RNF19A: variants seen among roughly 807,000 people sequenced by gnomAD.
RNF19A encodes the protein E3 ubiquitin-protein ligase RNF19A.
Under a neutral mutation model 75.7 loss-of-function variants are expected in RNF19A, and 32 were observed. The observed-to-expected ratio is 0.42, with a 90% CI of 0.32 to 0.57. The LOEUF is 0.57. Ranked by LOEUF, RNF19A falls within the 20% of genes least tolerant of loss-of-function variation. The probability of loss-of-function intolerance (pLI) is 0.10; values close to 1 mark genes in which losing one functional copy is unlikely to be tolerated. For missense variants in RNF19A, 782 were observed against 1,036.3 expected, an observed-to-expected ratio of 0.75 and a Z score of 3.37; for synonymous variants, 335 against 345.2, an observed-to-expected ratio of 0.97 and a Z score of 0.33.
upstream of RNF19A, chr8:100,310,201 T>C (rs980327020): frequency 7.1e-5 from 70 of 985,026 alleles, no homozygotes; most frequent in African/African-American, 2.3e-4. Context: ...GTGCTGTGCG[T>C]CATGGCGTCA....
chr8:100,313,062 A>T (rs889391280), upstream of RNF19A, among the ~76,000 whole-genome samples: 1 of 152,220 alleles, frequency 6.6e-6, no homozygotes, highest in African/African-American at 2.4e-5. Flanking sequence ...AATTGGCCCC[A>T]GGTGCCTTAA....
rs915759554 is a variant in RNF19A, at chr8:100,264,074, A to G, written c.1428T>C (p.Asp476=). 1 of 1,613,708 alleles carries G rather than the reference A, an allele frequency of 6.2e-7. No individual in the cohort carries two copies. Among genetic ancestry groups the G allele is most frequent in the Non-Finnish European group, 8.5e-7 (1 of 1,179,738 alleles). Residue 476 remains aspartate (D), a synonymous_variant, in exon 7 of 10, where the codon GAT becomes GAC. Transcript: ENST00000341084. This position sits in a 1 kb window ranked among gnomAD's most constrained non-coding sequence, Gnocchi z 4.7. The stretch of plus-strand genomic sequence containing the variant: ...TTCCACCAACATTTATATCATTTTC[A>G]TCATCAAATTCAATCCTAACTCCTT... ...NGKGVRIEFD[D]ENDINVGGTN... is the part of the protein sequence containing the mutation.
At position 100,317,064 on chromosome 8, in the gene RNF19A, C is replaced by G. The variant is rs1452183373; in HGVS notation, c.-242-3692G>C. ...GGACCAGCAGCGCTGCCCGGCTACT[C>G]TGAGTGCGGGGCCTGCCAAGCCCAC... On this transcript the variant is annotated intron_variant, in intron 1 of 3. Coordinates refer to the RNF19A transcript ENST00000519527. The surrounding 1 kb of genome is among the most constrained non-coding windows in gnomAD (Gnocchi z 4.3). Among the ~76,000 whole-genome samples, 5 of 151,820 alleles carry G rather than the reference C, an allele frequency of 3.3e-5. No homozygotes were observed. Among genetic ancestry groups the G allele is most frequent in the African/African-American group, 9.7e-5 (4 of 41,366 alleles).
At position 100,317,034 on chromosome 8, in the gene RNF19A, G is replaced by C. The variant is rs1460903685; in HGVS notation, c.-242-3662C>G. On this transcript the variant is annotated intron_variant, in intron 1 of 3. Coordinates refer to the RNF19A transcript ENST00000519527. The surrounding 1 kb of genome is among the most constrained non-coding windows in gnomAD (Gnocchi z 4.3). ...TGGCCCGGGTGCTAAGTCCCTCATTGCCCGGGACCAGCAGCGCTGCCCGGC... is the reference window on the plus strand; with the variant it reads ...TGGCCCGGGTGCTAAGTCCCTCATTCCCCGGGACCAGCAGCGCTGCCCGGC... Among the ~76,000 whole-genome samples the C allele has an allele frequency of 1.3e-5, 2 of 152,214 alleles. No individual in the cohort carries two copies. Among genetic ancestry groups the C allele is most frequent in the Non-Finnish European group, 2.9e-5 (2 of 68,032 alleles).
intron 1 of RNF19A, among the ~76,000 whole-genome samples, chr8:100,305,430 A>G (rs903243773): frequency 6.6e-6 from 1 of 152,238 alleles, no homozygotes; most frequent in Admixed American, 6.5e-5. Context: ...AAACGCCCCT[A>G]GAGCTACGCT....
At chr8:100,301,091 G>A (rs969346839) in intron 1 of RNF19A, among the ~76,000 whole-genome samples, 1 of 152,200 alleles carries the variant, frequency 6.6e-6, no homozygotes, top group Non-Finnish European at 1.5e-5. Flanking sequence ...CTAGTCCCAT[G>A]AGGCTATTTA....
upstream of RNF19A, among the ~76,000 whole-genome samples, chr8:100,313,901 A>T (rs867328879): frequency 1.0e-4 from 8 of 78,468 alleles, 1 homozygote; most frequent in South Asian, 4.3e-4. Context: ...AAAGAGAACT[A>T]CTTTTTTTTT....
rs1197664275 is a variant in RNF19A, at chr8:100,275,272, TAGCAAACAGTCATA to T, written c.675-125_675-112del. On this transcript the variant is annotated intron_variant, in intron 2 of 9. Transcript: ENST00000341084. This position sits in a 1 kb window ranked among gnomAD's most constrained non-coding sequence, Gnocchi z 4.3. The stretch of plus-strand genomic sequence containing the variant: ...TGAAAAACATTTTCTATTTATACAT[TAGCAAACAGTCATA>T]AGCACAATCTCACCAATATAAAAAT... 1 of 837,530 alleles carries T rather than the reference TAGCAAACAGTCATA, an allele frequency of 1.2e-6. No individual in the cohort carries two copies. Among genetic ancestry groups the T allele is most frequent in the African/African-American group, 1.7e-5 (1 of 58,922 alleles). 51.9% of individuals were successfully genotyped at this position (837,530 alleles called of 1,614,324 possible). A position where few individuals can be genotyped will look rare whatever the true frequency, so the allele number is the denominator to read the frequency against.
At chr8:100,319,351 A>G (rs1822431152) in intron 1 of RNF19A, among the ~76,000 whole-genome samples, 1 of 152,060 alleles carries the variant, frequency 6.6e-6, no homozygotes, top group African/African-American at 2.4e-5. Context: ...AAGGTAATAA[A>G]TTCATGTAGA....
At position 100,264,247 on chromosome 8, in the gene RNF19A, C is replaced by T. The variant is rs779692396; in HGVS notation, c.1307-52G>A. The T allele has an allele frequency of 1.4e-6, 2 of 1,448,744 alleles. No homozygotes were observed. Among genetic ancestry groups the T allele is most frequent in the South Asian group, 1.2e-5 (1 of 81,608 alleles). The allele number at this position is 1,448,744 out of a possible 1,614,324, so 89.7% of individuals were successfully genotyped here. A position where few individuals can be genotyped will look rare whatever the true frequency, so the allele number is the denominator to read the frequency against. On this transcript the variant is annotated intron_variant, in intron 6 of 9. Transcript: ENST00000341084. This position sits in a 1 kb window ranked among gnomAD's most constrained non-coding sequence, Gnocchi z 4.7. ...CAAACAACAACAACAAAATAACTCA[C>T]AGAAACATGAGTTTTAGAAAGTCTT... is the stretch of plus-strand genomic sequence containing the variant.
At chr8:100,320,635 G>A (rs1353836783) in intron 1 of RNF19A, among the ~76,000 whole-genome samples, 3 of 152,144 alleles carry the variant, frequency 2.0e-5, no homozygotes, top group African/African-American at 4.8e-5. Flanking sequence ...CATACATCAA[G>A]GTCCTTTAGG....
chr8:100,278,107 A>C (rs942297153), intron 2 of RNF19A, among the ~76,000 whole-genome samples: 1 of 152,222 alleles, frequency 6.6e-6, no homozygotes, highest in Non-Finnish European at 1.5e-5. Flanking sequence ...CCCAACAACT[A>C]AGTTTTCCCA....
At chr8:100,326,025 A>G (rs562413474) in intron 1 of RNF19A, among the ~76,000 whole-genome samples, 11 of 152,300 alleles carry the variant, frequency 7.2e-5, no homozygotes, top group Non-Finnish European at 4.4e-5. Context: ...GCTATCTGCT[A>G]TCCGGGTGTT....
At chr8:100,308,321 T>C (rs2130241669) in intron 1 of RNF19A, among the ~76,000 whole-genome samples, 1 of 152,322 alleles carries the variant, frequency 6.6e-6, no homozygotes, top group South Asian at 2.1e-4. Context: ...AACTAACAAA[T>C]TTTAAAAGTG....
chr8:100,287,200 A>G lies in RNF19A; in HGVS notation c.674+301T>C, dbSNP rs759855290. On this transcript the variant is annotated intron_variant, in intron 2 of 9. Transcript: ENST00000341084. This position sits in a 1 kb window ranked among gnomAD's most constrained non-coding sequence, Gnocchi z 4.1. Reference sequence around the variant, plus strand: ...ATCATTTCATCTGTTATTCCAAAATAAAAATTCTCCAAATGGATGAGAAAA... The same window carrying G: ...ATCATTTCATCTGTTATTCCAAAATGAAAATTCTCCAAATGGATGAGAAAA... Among the ~76,000 whole-genome samples, 58 of 152,222 alleles carry G rather than the reference A, an allele frequency of 3.8e-4. No homozygotes were observed. Among genetic ancestry groups the G allele is most frequent in the Non-Finnish European group, 6.6e-4 (45 of 68,040 alleles).
Position 100,258,742 on chromosome 8 carries a change from A to T in RNF19A, c.2331T>A (p.Ile777=), listed in dbSNP as rs1334420831. The change falls in exon 10 of 10, where the codon ATT becomes ATA. Residue 777 remains isoleucine, a synonymous_variant. Transcript: ENST00000341084. This position sits in a 1 kb window ranked among gnomAD's most constrained non-coding sequence, Gnocchi z 4.3. ...AGGAAGCAGTTTGGGTAACCACAGA[A>T]ATGCTACACTGATGTGGGGAATTTT... is the stretch of plus-strand genomic sequence containing the variant. The part of the protein sequence containing the change: ...RLENSPHQCS[I]SVVTQTASCS... 6.2e-7 allele frequency: 1 copy of T among 1,614,220 alleles called. No homozygotes were observed. Among genetic ancestry groups the T allele is most frequent in the South Asian group, 1.1e-5 (1 of 91,080 alleles).
intron 1 of RNF19A, among the ~76,000 whole-genome samples, chr8:100,301,923 T>C (rs1384986012): frequency 1.3e-5 from 2 of 152,114 alleles, no homozygotes; most frequent in Non-Finnish European, 2.9e-5. Context: ...GTGTTAGCTA[T>C]GTGGAAATCT....
chr8:100,278,936 A>G (rs968206359), intron 2 of RNF19A, among the ~76,000 whole-genome samples: 1 of 151,988 alleles, frequency 6.6e-6, no homozygotes, highest in African/African-American at 2.4e-5. Flanking sequence ...AACAGAGAAA[A>G]CCGTGGACCT....
At chr8:100,267,294 G>A (rs967153582) in intron 5 of RNF19A, among the ~76,000 whole-genome samples, 81 of 152,306 alleles carry the variant, frequency 5.3e-4, no homozygotes, top group African/African-American at 1.8e-3. Flanking sequence ...CACAGAGACC[G>A]AAATATCGAG....
Sources: allele counts gnomAD v4.1 joint callset (sites outside exome capture counted in the v4.1 genomes callset), GRCh38; gene constraint gnomAD v4.1.1; non-coding constraint Gnocchi (gnomAD v3.1); transcripts MANE v1.5; gene names NCBI Gene and HGNC (gene_info 2026-07-23, HGNC 2026-07-21).